Variants in KRT24 observed in about 807,000 individuals in gnomAD.
KRT24 encodes the protein keratin 24, also known as keratin, type I cytoskeletal 24.
Under a neutral mutation model 51.7 loss-of-function variants are expected in KRT24, and 44 were observed. That is an observed-to-expected ratio of 0.85 (90% confidence interval 0.67 to 1.09). The LOEUF (loss-of-function observed/expected upper bound fraction) is 1.09. Among genes scored for constraint, KRT24 ranks in the 50% least tolerant of loss-of-function variants. The probability of loss-of-function intolerance (pLI) is 0.00; values close to 1 mark genes in which losing one functional copy is unlikely to be tolerated. For synonymous variants in KRT24, 241 were observed against 249.5 expected, an observed-to-expected ratio of 0.97 and a Z score of 0.32; for missense variants, 633 against 647.0, an observed-to-expected ratio of 0.98 and a Z score of 0.24.
intron 1 of KRT24, 54 bp from the exon 2 acceptor site, chr17:40,701,987 G>A: frequency 3.4e-6 from 3 of 893,358 alleles, no homozygotes; most frequent in South Asian, 1.6e-5. Flanking sequence ...CCTTGTGTCT[G>A]CATGCCTACT....
rs2037664180 is a variant in KRT24 at position 40,700,482 on chromosome 17, AG to A, written c.856-100del. ...AACAATTTGAAAGTAGGACACTGAA[AG>A]GAAAAAAAAAAAATCAAATCTAGGT... On this transcript the variant is annotated intron_variant, in intron 3 of 7. Transcript: ENST00000264651. 3.4e-5 allele frequency: 28 copies of A among 834,574 alleles called. 1 individual carries two copies. In the South Asian group the frequency reaches 5.9e-4, roughly 18 times the overall value. 51.7% of individuals were successfully genotyped at this position (834,574 alleles called of 1,614,324 possible).
At position 40,701,130 on chromosome 17, in the gene KRT24, A is replaced by G. The variant is rs780669999; in HGVS notation, c.855+10T>C. ...CTAGAGTTATTCGTTTATGTAGAAC[A>G]TGTTCCTACCTCCTCGTGGTTCTTC... On this transcript the variant is annotated intron_variant, in intron 3 of 7. Transcript: ENST00000264651. 4 of 1,613,090 alleles carry G rather than the reference A, an allele frequency of 2.5e-6. No individual in the cohort carries two copies. The South Asian group carries it at 3.3e-5, about 13-fold the overall frequency.
chr17:40,698,473 T>C, intron 7 of KRT24, 65 bp downstream of exon 7: 12 of 1,166,280 alleles, frequency 1.0e-5, no homozygotes, highest in Non-Finnish European at 1.5e-5. Context: ...TCTTTTAGTA[T>C]GACAAGCAAA....
Position 40,698,037 on chromosome 17 carries a change from A to G in KRT24, c.*200T>C, listed in dbSNP as rs1185950230. 1 of 534,252 alleles carries G rather than the reference A, an allele frequency of 1.9e-6. No homozygotes were observed. The highest frequency in any genetic ancestry group is 3.3e-6 in the Non-Finnish European group (1 of 302,842). 33.1% of individuals were successfully genotyped at this position (534,252 alleles called of 1,614,324 possible). A position where few individuals can be genotyped will look rare whatever the true frequency, so the allele number is the denominator to read the frequency against. On this transcript the variant is annotated 3_prime_UTR_variant, in exon 8 of 8. Transcript: ENST00000264651. ...ATTGAAGCATAGAAACAATTAAAGC[A>G]AAGTTGTTAATTCAGCTATTTCAAG...
rs1223796496 is a variant in KRT24, at chr17:40,701,861, A to G, written c.688T>C (p.Phe230Leu). Residue 230 changes from phenylalanine to leucine, a missense_variant, in exon 2 of 8, where the codon TTC becomes CTC. Phe to Leu is a conservative substitution (Grantham distance 22). Transcript: ENST00000264651. The part of the protein sequence containing the change: ...IDNARLAADD[F>L]RLKYENELCL... Reference sequence around the variant, plus strand: ...CTTTATGTTTCTTACTTCAGTCTGAAGTCATCAGCAGCCAATCTGGCATTG... The same window carrying G: ...CTTTATGTTTCTTACTTCAGTCTGAGGTCATCAGCAGCCAATCTGGCATTG... 1 of 1,461,354 alleles carries G rather than the reference A, an allele frequency of 6.8e-7. No homozygotes were observed. Among genetic ancestry groups the G allele is most frequent in the Admixed American group, 2.1e-5 (1 of 48,182 alleles). 90.5% of individuals were successfully genotyped at this position (1,461,354 alleles called of 1,614,324 possible).
At chr17:40,698,679 T>C (rs2037637402) in intron 6 of KRT24, 29 bp from the exon 7 acceptor site, 2 of 1,188,930 alleles carry the variant, frequency 1.7e-6, no homozygotes, top group South Asian at 2.5e-5. Context: ...ATGTTTTCCT[T>C]TGCAGTTTGC....
rs776229155 is a variant in KRT24 at position 40,698,366 on chromosome 17, A to G, written c.1475-26T>C. ...CTGAAAATCATGGGATTGCAATGTCAGTCTGGAAACTCTCACAGAAACACA... is the reference window on the plus strand; with the variant it reads ...CTGAAAATCATGGGATTGCAATGTCGGTCTGGAAACTCTCACAGAAACACA... On this transcript the variant is annotated intron_variant, in intron 7 of 7. Coordinates refer to ENST00000264651, the MANE Select transcript of KRT24 (RefSeq NM_019016.3). The G allele has an allele frequency of 6.9e-6, 10 of 1,456,034 alleles. No homozygotes were observed. In the South Asian group the frequency reaches 1.1e-4, roughly 17 times the overall value. 90.2% of individuals were successfully genotyped at this position (1,456,034 alleles called of 1,614,324 possible). A position where few individuals can be genotyped will look rare whatever the true frequency, so the allele number is the denominator to read the frequency against.
rs188095893 is a variant in KRT24 at position 40,699,731 on chromosome 17, T to A, written c.1144-70A>T. ...TTGGATGATTTTTTAAAAATGCAAT[T>A]TTATGTGGCACTAGAAGTGCACCTT... On this transcript the variant is annotated intron_variant, in intron 5 of 7. Transcript: ENST00000264651. 87 of 1,366,534 alleles carry A rather than the reference T, an allele frequency of 6.4e-5. No individual in the cohort carries two copies. The East Asian group carries it at 1.9e-3, about 30-fold the overall frequency. The allele number at this position is 1,366,534 out of a possible 1,614,324, so 84.7% of individuals were successfully genotyped here. A position where few individuals can be genotyped will look rare whatever the true frequency, so the allele number is the denominator to read the frequency against.
Position 40,698,184 on chromosome 17 carries a change from TC to T in KRT24, c.*52del. 3.6e-6 allele frequency: 4 copies of T among 1,109,072 alleles called. No homozygotes were observed. The South Asian group carries it at 3.7e-5, about 10-fold the overall frequency. 68.7% of individuals were successfully genotyped at this position (1,109,072 alleles called of 1,614,324 possible). A position where few individuals can be genotyped will look rare whatever the true frequency, so the allele number is the denominator to read the frequency against. On this transcript the variant is annotated 3_prime_UTR_variant, in exon 8 of 8. Transcript: ENST00000264651. ...GATTGATGCCATTTCTTCGCTTGTG[TC>T]CTTCTTGATTTTTTTTTCTTTGAAA...
rs138846007 is a variant in KRT24 at position 40,703,496 on chromosome 17, C to T, written c.198G>A (p.Gly66=). Reference sequence around the variant, plus strand: ...CCCCTACTGAGCAGCTACCAAAGCCCCCTCCAAAGCTGCCCCCAAAAGCAC... The same window carrying T: ...CCCCTACTGAGCAGCTACCAAAGCCTCCTCCAAAGCTGCCCCCAAAAGCAC... ...SSGAFGGSFG[G]GFGSCSVGGG... The change falls in exon 1 of 8, where the codon GGG becomes GGA. Residue 66 remains glycine, a synonymous_variant. Transcript: ENST00000264651. The T allele has an allele frequency of 7.9e-5, 72 of 908,458 alleles. No individual in the cohort carries two copies. In the African/African-American group the frequency reaches 1.1e-3, roughly 14 times the overall value. The allele number at this position is 908,458 out of a possible 1,614,324, so 56.3% of individuals were successfully genotyped here.
Position 40,698,617 on chromosome 17 carries a change from G to A in KRT24, c.1395C>T (p.Asn465=). 1 of 1,609,854 alleles carries A rather than the reference G, an allele frequency of 6.2e-7. No homozygotes were observed. The highest frequency in any genetic ancestry group is 1.3e-5 in the African/African-American group (1 of 74,904). The part of the protein sequence containing the change: ...GSSFAEFGGR[N]SGSVNMGSRD... ...TGGATCCCATGTTTACAGATCCTGA[G>A]TTTCTACCACCAAATTCTGCAAAAC... The change falls in exon 7 of 8, where the codon AAC becomes AAT. Residue 465 remains asparagine (N), a synonymous_variant. Coordinates refer to ENST00000264651, the MANE Select transcript of KRT24 (RefSeq NM_019016.3).
rs774722139 is a variant in KRT24, at chr17:40,703,680, G to A, written c.14C>T (p.Ser5Phe). 24 of 1,566,510 alleles carry A rather than the reference G, an allele frequency of 1.5e-5. No individual in the cohort carries two copies. Among genetic ancestry groups the A allele is most frequent in the Non-Finnish European group, 2.1e-5 (24 of 1,157,830 alleles). ...TCCAGCCCTGGAGGAGGAGGCGCGAGACGAGCAAGACATGGTGCTCCTGCA... is the reference window on the plus strand; with the variant it reads ...TCCAGCCCTGGAGGAGGAGGCGCGAAACGAGCAAGACATGGTGCTCCTGCA... The part of the protein sequence containing the change: MSCS[S>F]RASSSRAGGS... The change falls in exon 1 of 8, where the codon TCT becomes TTT. Residue 5 changes from serine to phenylalanine, a missense_variant. Transcript: ENST00000264651.
In KRT24 at chr17:40,703,564, G is replaced by C; in HGVS notation, c.130C>G (p.Arg44Gly). The C allele has an allele frequency of 1.2e-6, 2 of 1,601,866 alleles. No homozygotes were observed. ...AGGCTGCAGCTGCTGGCTCCTCCTC[G>C]GAAGCCCTGGGCCGAGCTGCCCCCC... is the stretch of plus-strand genomic sequence containing the variant. The part of the protein sequence containing the change: ...GLGGSSAQGF[R>G]GGASSCSLSG... The change falls in exon 1 of 8, where the codon CGA becomes GGA. Residue 44 changes from arginine to glycine, a missense_variant. Arg to Gly is a moderately radical substitution (Grantham distance 125, BLOSUM62 -2). Coordinates refer to ENST00000264651, the MANE Select transcript of KRT24 (RefSeq NM_019016.3).
intron 3 of KRT24, 31 bp downstream of exon 3, chr17:40,701,108 GA>G: frequency 6.2e-7 from 1 of 1,606,436 alleles, no homozygotes; most frequent in South Asian, 1.1e-5. Flanking sequence ...ATGTTAGCTA[GA>G]GTTATTCGTT....
Position 40,701,310 on chromosome 17 carries a change from C to A in KRT24, c.699-14G>T, listed in dbSNP as rs763178547. The A allele has an allele frequency of 4.4e-6, 7 of 1,607,152 alleles. No individual in the cohort carries two copies. The South Asian group carries it at 6.7e-5, about 15-fold the overall frequency. ...TCGTTCTCATACCTGGAAGGGGCAG[C>A]AGTAAGGCAAAAAATACTGTGAGCT... On this transcript the variant is annotated splice_polypyrimidine_tract_variant and intron_variant, in intron 2 of 7. Transcript: ENST00000264651.
In KRT24 at chr17:40,701,232, G is replaced by A. The variant is rs1451609299; in HGVS notation, c.763C>T (p.Leu255=). The A allele has an allele frequency of 6.2e-7, 1 of 1,614,086 alleles. No homozygotes were observed. Among genetic ancestry groups the A allele is most frequent in the Admixed American group, 1.7e-5 (1 of 60,016 alleles). The stretch of plus-strand genomic sequence containing the variant: ...GAGCGGGTCATAGTCAGGTCATCCA[G>A]GACTTTCCGCAGGCCATTGATGTCA... ...EADINGLRKV[L]DDLTMTRSDL... The change falls in exon 3 of 8, where the codon CTG becomes TTG. Residue 255 remains leucine (L), a synonymous_variant. Coordinates refer to ENST00000264651, the MANE Select transcript of KRT24 (RefSeq NM_019016.3).
rs773246200 is a variant in KRT24 at position 40,699,495 on chromosome 17, C to A, written c.1310G>T (p.Arg437Leu). Reference protein sequence around the residue: ...EYKQLLDIKTRLEVEIETYRR... With the variant: ...EYKQLLDIKTLLEVEIETYRR... ...GTAGGTCTCGATCTCCACCTCCAGG[C>A]GTGTCTTGATGTCCAGCAATTGCTT... The change falls in exon 6 of 8, where the codon CGC (arginine) becomes CTC (leucine). Residue 437 changes from arginine (R) to leucine (L), a missense_variant. Arg to Leu is a moderately radical substitution (Grantham distance 102). Transcript: ENST00000264651. The A allele has an allele frequency of 6.2e-6, 10 of 1,613,914 alleles. No homozygotes were observed. The South Asian group carries it at 8.8e-5, about 14-fold the overall frequency.
At chr17:40,699,914 T>C in intron 5 of KRT24, 84 bp downstream of exon 5, 1 of 1,549,436 alleles carries the variant, frequency 6.5e-7, no homozygotes, top group Non-Finnish European at 8.8e-7. Flanking sequence ...CTTTTTTATG[T>C]GCCTAGTGAA....
intron 6 of KRT24, 141 bp from the exon 7 acceptor site, chr17:40,698,791 C>G: frequency 3.2e-6 from 2 of 632,746 alleles, no homozygotes; most frequent in South Asian, 2.0e-5. Context: ...TTTGTTCAAC[C>G]TTGCACTCCT....
Sources: gnomAD v4.1 joint callset for allele counts on GRCh38, gnomAD v4.1.1 for gene constraint, MANE v1.5 for transcripts, NCBI Gene and HGNC (gene_info 2026-07-23, HGNC 2026-07-21) for gene names.